Variants in NCAM2 observed in about 807,000 individuals in gnomAD.
NCAM2 encodes the protein neural cell adhesion molecule 2.
NCAM2 carries 30 observed loss-of-function variants against 98.1 expected under a neutral mutation model. The observed-to-expected ratio is 0.31, with a 90% CI of 0.23 to 0.41. The LOEUF (loss-of-function observed/expected upper bound fraction) is 0.41. NCAM2 is among the 10% of genes least tolerant of loss of function. The probability of loss-of-function intolerance (pLI) is 1.00; values close to 1 mark genes in which losing one functional copy is unlikely to be tolerated. For synonymous variants in NCAM2, 368 were observed against 342.4 expected (o/e 1.07, Z -0.83); for missense variants, 867 against 1,005.8 (o/e 0.86, Z 1.87).
intron 9 of NCAM2, among the ~76,000 whole-genome samples, chr21:21,390,538 T>C (rs998193634): frequency 6.6e-6 from 1 of 152,204 alleles, no homozygotes; most frequent in Non-Finnish European, 1.5e-5. Context: ...GTGCATTTCA[T>C]AGTGTTATTG....
intron 5 of NCAM2, among the ~76,000 whole-genome samples, chr21:21,299,088 C>T (rs576074979): frequency 2.6e-5 from 4 of 151,654 alleles, no homozygotes; most frequent in East Asian, 3.9e-4. Flanking sequence ...TTCATAGAAT[C>T]AATCAGTAAA....
intron 1 of NCAM2, among the ~76,000 whole-genome samples, chr21:21,076,347 C>T (rs1258706447): frequency 6.6e-6 from 1 of 152,114 alleles, no homozygotes; most frequent in Non-Finnish European, 1.5e-5. Flanking sequence ...CTGTTGTGAT[C>T]TCTTTGAATG....
chr21:21,269,027 TTC>T (rs1216347028), intron 1 of NCAM2, among the ~76,000 whole-genome samples: 1 of 152,172 alleles, frequency 6.6e-6, no homozygotes, highest in African/African-American at 2.4e-5. Context: ...TCATCCAAGA[TTC>T]TGAGATGCCT....
At chr21:21,094,078 A>G (rs1197768226) in intron 1 of NCAM2, among the ~76,000 whole-genome samples, 1 of 151,940 alleles carries the variant, frequency 6.6e-6, no homozygotes, top group Non-Finnish European at 1.5e-5. Flanking sequence ...CCAGTGTCTC[A>G]TTTTGACACA....
rs1049413154 is a variant in NCAM2, at chr21:21,541,683, C to A, written c.*3726C>A. On this transcript the variant is annotated 3_prime_UTR_variant, in exon 18 of 18. Transcript: ENST00000400546. ...AGATTATCACTGACGAAAATATGTACAGTTCAAGAAGTAGAAATAATATTT... is the reference window on the plus strand; with the variant it reads ...AGATTATCACTGACGAAAATATGTAAAGTTCAAGAAGTAGAAATAATATTT... 1 of 151,498 alleles carries A rather than the reference C, an allele frequency of 6.6e-6. No homozygotes were observed. Among genetic ancestry groups the A allele is most frequent in the African/African-American group, 2.4e-5 (1 of 41,334 alleles). 9.4% of individuals were successfully genotyped at this position (151,498 alleles called of 1,614,324 possible).
At chr21:21,496,652 A>G (rs1022198054) in intron 15 of NCAM2, among the ~76,000 whole-genome samples, 2 of 151,680 alleles carry the variant, frequency 1.3e-5, no homozygotes, top group Admixed American at 6.6e-5. Flanking sequence ...TTTTGTTGCT[A>G]TTTCATTTGG....
chr21:21,013,026 A>G (rs1384753981), intron 1 of NCAM2, among the ~76,000 whole-genome samples: 2 of 152,126 alleles, frequency 1.3e-5, no homozygotes, highest in Non-Finnish European at 2.9e-5. Context: ...CAGACCTTCC[A>G]TTCCCTGAGA....
intron 17 of NCAM2, 122 bp from the exon 18 acceptor site, chr21:21,537,724 G>A (rs1228243192): frequency 6.5e-6 from 3 of 458,584 alleles, no homozygotes; most frequent in Admixed American, 4.2e-5. Context: ...AACTTATTTA[G>A]CATATATAAA....
rs553276330 is a variant in NCAM2, at chr21:21,377,298, A to G, written c.1195+3285A>G. Among the ~76,000 whole-genome samples, 216 of 151,916 alleles carry G rather than the reference A, an allele frequency of 1.4e-3. 1 individual carries two copies. The highest frequency in any genetic ancestry group is 4.3e-3 in the Admixed American group (65 of 15,212). ...AAGATAAACATTTACATCACCCTCA[A>G]GAATTTTCTCAAGTCACTTTAAAAT... On this transcript the variant is annotated intron_variant, in intron 9 of 17. Transcript: ENST00000400546.
chr21:21,072,120 G>A (rs2065585369), intron 1 of NCAM2, among the ~76,000 whole-genome samples: 1 of 152,168 alleles, frequency 6.6e-6, no homozygotes, highest in Middle Eastern at 3.4e-3. Flanking sequence ...CACCGTGTTA[G>A]CCAGGATGGT....
chr21:21,284,326 C>G lies in NCAM2; in HGVS notation c.263C>G (p.Ala88Gly). ...LTIYNANIED[A>G]GIYRCQATDA... ...ATCTACAATGCAAATATAGAAGATG[C>G]AGGGATATATCGTTGTCAAGCAACA... The change falls in exon 3 of 18, where the codon GCA becomes GGA. Residue 88 changes from alanine to glycine, a missense_variant. By Grantham distance (60) the Ala-to-Gly change is moderately conservative. Coordinates refer to ENST00000400546, the MANE Select transcript of NCAM2 (RefSeq NM_004540.5). 1 of 1,612,598 alleles carries G rather than the reference C, an allele frequency of 6.2e-7. No individual in the cohort carries two copies. Among genetic ancestry groups the G allele is most frequent in the Non-Finnish European group, 8.5e-7 (1 of 1,179,032 alleles).
chr21:21,238,707 G>T (rs2147224909), intron 1 of NCAM2, among the ~76,000 whole-genome samples: 1 of 152,184 alleles, frequency 6.6e-6, no homozygotes, highest in Middle Eastern at 3.4e-3. Flanking sequence ...TGTAAAAATA[G>T]AATCACTGGT....
At chr21:21,371,610 C>T (rs983911028) in intron 8 of NCAM2, among the ~76,000 whole-genome samples, 1 of 151,624 alleles carries the variant, frequency 6.6e-6, no homozygotes, top group Non-Finnish European at 1.5e-5. Flanking sequence ...CCCTCAACAC[C>T]ACCCTTCTTT....
In NCAM2 at chr21:21,415,330, CTTTTTT is replaced by C. The variant is rs34997215; in HGVS notation, c.1384-3122_1384-3117del. 3.9e-3 allele frequency among the ~76,000 whole-genome samples: 274 copies of C among 70,834 alleles called. 3 individuals carry two copies. Among genetic ancestry groups the C allele is most frequent in the African/African-American group, 0.016 (260 of 16,646 alleles). 46.5% of individuals were successfully genotyped at this position (70,834 alleles called of 152,430 possible). ...ATTCCATCAATGATCTTAGCTTGATCTTTTTTTTTTTTTTTTTTTTTTTTTTGAGAC... is the reference window on the plus strand; with the variant it reads ...ATTCCATCAATGATCTTAGCTTGATCTTTTTTTTTTTTTTTTTTTTGAGAC... On this transcript the variant is annotated intron_variant, in intron 10 of 17. Transcript: ENST00000400546.
chr21:21,284,873 T>C (rs1437671199), intron 3 of NCAM2, among the ~76,000 whole-genome samples: 1 of 151,710 alleles, frequency 6.6e-6, no homozygotes, highest in African/African-American at 2.4e-5. Flanking sequence ...CAGGATTCTT[T>C]ACCACTAAGT....
At chr21:21,015,691 T>A (rs2064293146) in intron 1 of NCAM2, among the ~76,000 whole-genome samples, 1 of 151,984 alleles carries the variant, frequency 6.6e-6, no homozygotes, top group Non-Finnish European at 1.5e-5. Context: ...TATTTCTGTT[T>A]TGTTTGTTTG....
chr21:21,266,516 A>G (rs934854921), intron 1 of NCAM2, among the ~76,000 whole-genome samples: 26 of 152,266 alleles, frequency 1.7e-4, no homozygotes, highest in Non-Finnish European at 3.7e-4. Context: ...TGTGGCACAT[A>G]TACACTATGG....
intron 1 of NCAM2, among the ~76,000 whole-genome samples, chr21:21,203,258 T>C (rs2069303188): frequency 6.6e-6 from 1 of 152,210 alleles, no homozygotes; most frequent in Non-Finnish European, 1.5e-5. Flanking sequence ...CCTATGGCCT[T>C]TGCTTTGTCT....
At chr21:21,273,662 A>G (rs1379082958) in intron 1 of NCAM2, among the ~76,000 whole-genome samples, 2 of 152,194 alleles carry the variant, frequency 1.3e-5, no homozygotes, top group Non-Finnish European at 2.9e-5. Context: ...AATGGATACT[A>G]GAAAGTTCAT....
Sources: allele counts gnomAD v4.1 joint callset (sites outside exome capture counted in the v4.1 genomes callset), GRCh38; gene constraint gnomAD v4.1.1; transcripts MANE v1.5; gene names NCBI Gene and HGNC (gene_info 2026-07-23, HGNC 2026-07-21).